Variants in ARB2A observed in about 807,000 individuals in gnomAD.
The protein encoded by ARB2A is ARB2 cotranscriptional regulator A, also known as cotranscriptional regulator ARB2A.
At chr5:93,676,186 T>C in the ARB2A span, among the ~76,000 whole-genome samples, 1 of 151,982 alleles carries the variant, frequency 6.6e-6, no homozygotes, top group Admixed American at 6.6e-5. Flanking sequence ...AGAAAACACA[T>C]TTGGAATCAA....
the ARB2A span, chr5:93,743,021 C>T: frequency 6.6e-6 from 1 of 152,184 alleles, no homozygotes; most frequent in Admixed American, 6.5e-5. Context: ...ATCTTATGTA[C>T]TGGGACTCCT....
At chr5:93,768,555 A>G in the ARB2A span, among the ~76,000 whole-genome samples, 1 of 151,346 alleles carries the variant, frequency 6.6e-6, no homozygotes, top group Non-Finnish European at 1.5e-5. Context: ...ATACATTTAT[A>G]CACTATATAT....
At chr5:93,869,149 C>T in the ARB2A span, among the ~76,000 whole-genome samples, 2 of 152,128 alleles carry the variant, frequency 1.3e-5, no homozygotes, top group Non-Finnish European at 2.9e-5. Flanking sequence ...CAGAGTAATA[C>T]ACGAGACTAG....
chr5:93,964,482 A>G, the ARB2A span: 1 of 1,580,224 alleles, frequency 6.3e-7, no homozygotes, highest in Middle Eastern at 1.7e-4. Flanking sequence ...TTTTCAAATT[A>G]CAATCCTTTT....
chr5:93,988,748 CATAAGG>C, the ARB2A span, among the ~76,000 whole-genome samples: 3 of 152,104 alleles, frequency 2.0e-5, no homozygotes, highest in Non-Finnish European at 4.4e-5. Flanking sequence ...GTCATACTGA[CATAAGG>C]TCCTTTAATA....
the ARB2A span, among the ~76,000 whole-genome samples, chr5:94,083,036 G>A: frequency 1.3e-5 from 2 of 152,100 alleles, no homozygotes; most frequent in Admixed American, 6.5e-5. Context: ...TCAAAGCTCC[G>A]AATCCTCCTG....
At chr5:94,078,005 G>GA in the ARB2A span, among the ~76,000 whole-genome samples, 2 of 152,142 alleles carry the variant, frequency 1.3e-5, no homozygotes. Flanking sequence ...TTGAAAATAT[G>GA]AAACAGTAGA....
chr5:93,952,577 C>G, the ARB2A span, among the ~76,000 whole-genome samples: 1 of 152,170 alleles, frequency 6.6e-6, no homozygotes, highest in Non-Finnish European at 1.5e-5. Flanking sequence ...TTTATTTTCT[C>G]TTGCTGCTTT....
chr5:93,787,533 G>A, the ARB2A span, among the ~76,000 whole-genome samples: 1 of 152,060 alleles, frequency 6.6e-6, no homozygotes, highest in Non-Finnish European at 1.5e-5. Context: ...GGCAAAACTT[G>A]TTTATTTTCC....
chr5:93,979,868 A>G, the ARB2A span, among the ~76,000 whole-genome samples: 12 of 152,134 alleles, frequency 7.9e-5, no homozygotes, highest in Non-Finnish European at 1.2e-4. Context: ...TGACATCCTT[A>G]GAGTTTTAAC....
chr5:93,750,968 T>C, the ARB2A span, among the ~76,000 whole-genome samples: 1 of 152,294 alleles, frequency 6.6e-6, no homozygotes, highest in Non-Finnish European at 1.5e-5. Flanking sequence ...AAGTAAAAAA[T>C]CTGAAAATGT....
the ARB2A span, among the ~76,000 whole-genome samples, chr5:93,778,776 A>G: frequency 6.6e-6 from 1 of 152,194 alleles, no homozygotes; most frequent in Non-Finnish European, 1.5e-5. Flanking sequence ...TAGTATTAAT[A>G]TAAGTGATGG....
the ARB2A span, among the ~76,000 whole-genome samples, chr5:93,872,254 G>T: frequency 6.6e-6 from 1 of 151,934 alleles, no homozygotes; most frequent in Non-Finnish European, 1.5e-5. Flanking sequence ...GGTCCCACTG[G>T]TTGTTTTCAT....
chr5:93,982,315 G>A, the ARB2A span, among the ~76,000 whole-genome samples: 4 of 152,120 alleles, frequency 2.6e-5, no homozygotes, highest in African/African-American at 9.7e-5. Context: ...ATACACATAT[G>A]TATACAGATA....
the ARB2A span, among the ~76,000 whole-genome samples, chr5:93,893,457 T>C: frequency 2.0e-5 from 3 of 152,054 alleles, no homozygotes; most frequent in Non-Finnish European, 4.4e-5. Flanking sequence ...TGACAGAAAA[T>C]ACGACTAGTC....
chr5:93,755,249 G>C, the ARB2A span, among the ~76,000 whole-genome samples: 1 of 152,026 alleles, frequency 6.6e-6, no homozygotes, highest in Admixed American at 6.6e-5. Flanking sequence ...TTAAAATATA[G>C]ACTATAAAAT....
At chr5:93,732,037 G>A in the ARB2A span, among the ~76,000 whole-genome samples, 2 of 152,182 alleles carry the variant, frequency 1.3e-5, no homozygotes, top group Admixed American at 6.5e-5. Context: ...TATGCTCCTA[G>A]CTGGAAAGTG....
the ARB2A span, among the ~76,000 whole-genome samples, chr5:94,105,343 C>T: frequency 2.1e-4 from 32 of 151,924 alleles, no homozygotes; most frequent in Non-Finnish European, 3.5e-4. Flanking sequence ...TCAGCAATAA[C>T]GTCCAAGCTG....
At chr5:94,073,387 A>G in the ARB2A span, among the ~76,000 whole-genome samples, 3 of 152,126 alleles carry the variant, frequency 2.0e-5, no homozygotes, top group African/African-American at 7.2e-5. Flanking sequence ...GAAAACCTTG[A>G]GTTTGAATCC....
Sources: gnomAD v4.1 joint callset for allele counts (sites outside exome capture counted in the v4.1 genomes callset) on GRCh38, gnomAD v4.1.1 for gene constraint, MANE v1.5 for transcripts, NCBI Gene and HGNC (gene_info 2026-07-23, HGNC 2026-07-21) for gene names.